TRAPPC9: variants seen among roughly 807,000 people sequenced by gnomAD.
TRAPPC9 encodes IKK2 binding protein.
TRAPPC9 carries 83 observed loss-of-function variants against 124.0 expected under a neutral mutation model. The ratio of observed to expected loss-of-function variants is 0.67; its 90% CI spans 0.56 to 0.80. The LOEUF (loss-of-function observed/expected upper bound fraction) is 0.80. Among genes scored for constraint, TRAPPC9 ranks in the 30% least tolerant of loss-of-function variants. The pLI is 0.00. For synonymous variants in TRAPPC9, 638 were observed against 617.5 expected (o/e 1.03, Z -0.49); for missense variants, 1,302 against 1,508.3 (o/e 0.86, Z 2.27).
At chr8:140,132,320 C>G (rs2061222848) in intron 17 of TRAPPC9, among the ~76,000 whole-genome samples, 1 of 152,186 alleles carries the variant, frequency 6.6e-6, no homozygotes, top group African/African-American at 2.4e-5. Context: ...TAAAAAGGGG[C>G]CGAAACCACG....
chr8:139,862,372 C>T (rs561306666), intron 21 of TRAPPC9, among the ~76,000 whole-genome samples: 1 of 152,380 alleles, frequency 6.6e-6, no homozygotes, highest in South Asian at 2.1e-4. Flanking sequence ...AAAGGTTACT[C>T]AGCCGTGTTC....
chr8:140,106,423 A>G (rs1419767493), intron 17 of TRAPPC9, among the ~76,000 whole-genome samples: 1 of 152,240 alleles, frequency 6.6e-6, no homozygotes, highest in Non-Finnish European at 1.5e-5. Context: ...GTTCCTAGGC[A>G]AGTTCACACA....
chr8:140,269,347 C>T (rs1342225941), intron 15 of TRAPPC9, among the ~76,000 whole-genome samples: 1 of 151,918 alleles, frequency 6.6e-6, no homozygotes, highest in African/African-American at 2.4e-5. Context: ...CAAGACCATC[C>T]TGGCTAACAC....
chr8:140,128,157 C>G (rs2061132454), intron 17 of TRAPPC9, among the ~76,000 whole-genome samples: 1 of 152,228 alleles, frequency 6.6e-6, no homozygotes, highest in Non-Finnish European at 1.5e-5. Flanking sequence ...AAATGTTTAT[C>G]TTACTTTCCT....
chr8:139,932,629 T>C (rs1191776964), intron 19 of TRAPPC9: 1 of 417,324 alleles, frequency 2.4e-6, no homozygotes, highest in African/African-American at 2.0e-5. Flanking sequence ...CCAGGTGTGT[T>C]GGCACATGCC....
chr8:139,813,552 A>G (rs2130757172), intron 21 of TRAPPC9, among the ~76,000 whole-genome samples: 1 of 152,326 alleles, frequency 6.6e-6, no homozygotes, highest in South Asian at 2.1e-4. Context: ...CTCCCTGAAC[A>G]CCGTTCCCAG....
In TRAPPC9 at chr8:140,063,188, C is replaced by T. The variant is rs917325709; in HGVS notation, c.2557-39109G>A. 2.0e-5 allele frequency among the ~76,000 whole-genome samples: 3 copies of T among 152,140 alleles called. No individual in the cohort carries two copies. The highest frequency in any genetic ancestry group is 2.0e-4 in the Admixed American group (3 of 15,282). ...ATTCAATGACCTCCACCTGGTCTCTCCCTTGATACATGGGGCTTATGGAGA... is the reference window on the plus strand; with the variant it reads ...ATTCAATGACCTCCACCTGGTCTCTTCCTTGATACATGGGGCTTATGGAGA... On this transcript the variant is annotated intron_variant, in intron 17 of 22. Transcript: ENST00000438773. The surrounding 1 kb of genome is among the most constrained non-coding windows in gnomAD (Gnocchi z 4.3).
chr8:140,116,002 C>T (rs909942119), intron 17 of TRAPPC9, among the ~76,000 whole-genome samples: 2 of 152,108 alleles, frequency 1.3e-5, no homozygotes, highest in African/African-American at 4.8e-5. Flanking sequence ...GAGCACAAAT[C>T]AGAAGGAGCT....
chr8:140,433,593 A>C (rs1254692438), intron 4 of TRAPPC9, among the ~76,000 whole-genome samples: 2 of 152,104 alleles, frequency 1.3e-5, no homozygotes, highest in Non-Finnish European at 1.5e-5. Context: ...CTGTCTCAAA[A>C]AACAACAACA....
chr8:139,774,883 C>T (rs1023926640), intron 21 of TRAPPC9, among the ~76,000 whole-genome samples: 17 of 152,146 alleles, frequency 1.1e-4, no homozygotes, highest in African/African-American at 2.9e-4. Context: ...TGGGAGTGCC[C>T]GGAGGGGGAC....
chr8:139,898,152 G>A (rs532199202), intron 20 of TRAPPC9, among the ~76,000 whole-genome samples: 225 of 152,330 alleles, frequency 1.5e-3, no homozygotes, highest in Middle Eastern at 6.8e-3. Context: ...GGCAAGGGGC[G>A]GCTACTTGCC....
intron 17 of TRAPPC9, among the ~76,000 whole-genome samples, chr8:140,133,311 G>A (rs540376863): frequency 6.6e-6 from 1 of 152,312 alleles, no homozygotes; most frequent in African/African-American, 2.4e-5. Flanking sequence ...AGATCCACAT[G>A]ATCATCTCTC....
chr8:140,446,234 C>T (rs1430128526), intron 2 of TRAPPC9, among the ~76,000 whole-genome samples: 1 of 140,888 alleles, frequency 7.1e-6, no homozygotes, highest in African/African-American at 2.6e-5. Context: ...GTGGAGTTTG[C>T]AGTGAGCCAG....
intron 21 of TRAPPC9, among the ~76,000 whole-genome samples, chr8:139,820,122 T>G (rs1397229444): frequency 6.6e-6 from 1 of 152,054 alleles, no homozygotes; most frequent in African/African-American, 2.4e-5. Flanking sequence ...TTTTTTTAAT[T>G]TCAGATTTCA....
At chr8:139,794,145 C>A (rs549307877) in intron 21 of TRAPPC9, among the ~76,000 whole-genome samples, 1 of 152,104 alleles carries the variant, frequency 6.6e-6, no homozygotes, top group Non-Finnish European at 1.5e-5. Context: ...CCCACCCATG[C>A]GGCTCACGCC....
rs1266196522 is a variant in TRAPPC9, at chr8:140,300,377, G to A, written c.1768+92C>T. 10 of 1,551,684 alleles carry A rather than the reference G, an allele frequency of 6.4e-6. No individual in the cohort carries two copies. The East Asian group carries it at 2.2e-4, about 35-fold the overall frequency. On this transcript the variant is annotated intron_variant, in intron 11 of 22. Transcript: ENST00000438773. ...CGCACGCACACACATGCACATGCATGAACTGGCTCAAAATGCTGTTCTAAA... is the reference window on the plus strand; with the variant it reads ...CGCACGCACACACATGCACATGCATAAACTGGCTCAAAATGCTGTTCTAAA...
intron 8 of TRAPPC9, among the ~76,000 whole-genome samples, 195 bp downstream of exon 8, chr8:140,370,769 G>A (rs780992356): frequency 9.2e-5 from 14 of 152,144 alleles, no homozygotes; most frequent in South Asian, 2.1e-4. Flanking sequence ...TCAAGAATCC[G>A]AGCCCCAAGG....
At chr8:140,283,799 A>G (rs2065399522) in intron 14 of TRAPPC9, 90 bp downstream of exon 14, 3 of 1,387,146 alleles carry the variant, frequency 2.2e-6, no homozygotes, top group African/African-American at 1.4e-5. Flanking sequence ...TAAGAATTAC[A>G]GGCTCTTTGT....
intron 21 of TRAPPC9, among the ~76,000 whole-genome samples, chr8:139,739,478 A>C (rs879304982): frequency 2.0e-5 from 3 of 152,146 alleles, no homozygotes; most frequent in Non-Finnish European, 4.4e-5. Context: ...CGGCCCTACG[A>C]GTTTCCTCCC....
Sources: allele counts gnomAD v4.1 joint callset (sites outside exome capture counted in the v4.1 genomes callset), GRCh38; gene constraint gnomAD v4.1.1; non-coding constraint Gnocchi (gnomAD v3.1); transcripts MANE v1.5; gene names NCBI Gene and HGNC (gene_info 2026-07-23, HGNC 2026-07-21).